The following PHACTR1 variants were observed in gnomAD, a reference collection of about 807,000 sequenced individuals.
PHACTR1 encodes RPEL repeat containing 1.
A neutral mutation model predicts 69.2 loss-of-function variants in PHACTR1; 16 were observed. The ratio of observed to expected loss-of-function variants is 0.23; its 90% CI spans 0.16 to 0.35. The LOEUF (loss-of-function observed/expected upper bound fraction) is 0.35. Among genes scored for constraint, PHACTR1 ranks in the 10% least tolerant of loss-of-function variants. The probability of loss-of-function intolerance (pLI) is 1.00; values close to 1 mark genes in which losing one functional copy is unlikely to be tolerated. For missense variants in PHACTR1, 510 were observed against 734.7 expected (o/e 0.69, Z 3.54); for synonymous variants, 312 against 284.5 (o/e 1.10, Z -0.97).
rs1765872232 is a variant in PHACTR1, at chr6:13,206,079, G to T, written c.929G>T (p.Cys310Phe). ...TCCCTCCCCATGCACCCCTCGGGCT[G>T]CAGAATGATAGACGAGCTCAACAAA... is the stretch of plus-strand genomic sequence containing the variant. The part of the protein sequence containing the change: ...TGSLPMHPSG[C>F]RMIDELNKTL... The change falls in exon 8 of 15, where the codon TGC (cysteine) becomes TTC (phenylalanine). Residue 310 changes from cysteine to phenylalanine, a missense_variant. Around this residue, in one of 2 missense-constraint regions of PHACTR1, gnomAD observed 419 missense variants for 530.9 expected, o/e 0.79. Coordinates refer to ENST00000332995, the MANE Select transcript of PHACTR1 (RefSeq NM_030948.6). 3.7e-6 allele frequency: 6 copies of T among 1,613,260 alleles called. No homozygotes were observed. Among genetic ancestry groups the T allele is most frequent in the Non-Finnish European group, 4.2e-6 (5 of 1,179,570 alleles).
At chr6:13,099,132 A>T (rs1359921468) in intron 5 of PHACTR1, among the ~76,000 whole-genome samples, 1 of 152,196 alleles carries the variant, frequency 6.6e-6, no homozygotes, top group Non-Finnish European at 1.5e-5. Flanking sequence ...CGCAGTCTTC[A>T]CCTGGGTAAA....
intron 7 of PHACTR1, among the ~76,000 whole-genome samples, chr6:13,192,255 G>A (rs563234656): frequency 6.6e-6 from 1 of 152,276 alleles, no homozygotes; most frequent in South Asian, 2.1e-4. Flanking sequence ...GAGGAATCAA[G>A]AAAAAGCATC....
At chr6:12,820,343 A>G (rs12527517) in intron 4 of PHACTR1, among the ~76,000 whole-genome samples, 149,655 of 152,200 alleles carry the variant, frequency 0.98, 73,634 homozygotes, top group Middle Eastern at 1. Flanking sequence ...ACCACGTCTG[A>G]CTAATTTTTT....
At chr6:12,781,853 C>A (rs746279539) in intron 4 of PHACTR1, among the ~76,000 whole-genome samples, 2 of 152,158 alleles carry the variant, frequency 1.3e-5, no homozygotes, top group African/African-American at 2.4e-5. Context: ...CTTTCAAAAT[C>A]CCAAGTGAAA....
At chr6:12,830,459 A>G (rs1327558346) in intron 4 of PHACTR1, among the ~76,000 whole-genome samples, 1 of 152,156 alleles carries the variant, frequency 6.6e-6, no homozygotes, top group East Asian at 1.9e-4. Context: ...GTTAATAGAA[A>G]TGATGACTAG....
chr6:13,105,610 G>T (rs1271628687), intron 5 of PHACTR1, among the ~76,000 whole-genome samples: 1 of 152,106 alleles, frequency 6.6e-6, no homozygotes, highest in Non-Finnish European at 1.5e-5. Context: ...TACTGAACAT[G>T]CCGGCCACAA....
At chr6:13,231,234 GAGAA>G (rs201199745) in intron 10 of PHACTR1, among the ~76,000 whole-genome samples, 66 of 139,504 alleles carry the variant, frequency 4.7e-4, no homozygotes, top group East Asian at 1.7e-3. Flanking sequence ...GAAGGAAAGA[GAGAA>G]AGAAAGAAGG....
intron 4 of PHACTR1, among the ~76,000 whole-genome samples, chr6:13,018,046 G>T (rs1462503176): frequency 6.6e-6 from 1 of 152,104 alleles, no homozygotes; most frequent in Non-Finnish European, 1.5e-5. Context: ...TTGTTTTAGG[G>T]ATTAGAAACA....
chr6:13,063,347 T>G (rs1395559709), intron 5 of PHACTR1, among the ~76,000 whole-genome samples: 1 of 152,140 alleles, frequency 6.6e-6, no homozygotes, highest in Non-Finnish European at 1.5e-5. Flanking sequence ...GGCAAGTTAC[T>G]GGGAAAGGTT....
intron 4 of PHACTR1, among the ~76,000 whole-genome samples, chr6:12,753,943 AATAT>A (rs775836853): frequency 1.9e-4 from 16 of 86,248 alleles, no homozygotes; most frequent in South Asian, 3.1e-4. Context: ...GCAAGTTGTA[AATAT>A]ATATATATAT....
At chr6:12,959,031 G>T (rs1792279118) in intron 4 of PHACTR1, among the ~76,000 whole-genome samples, 1 of 151,904 alleles carries the variant, frequency 6.6e-6, no homozygotes, top group Admixed American at 6.6e-5. Context: ...ACAAAAATTA[G>T]CTGGGTGTGG....
intron 4 of PHACTR1, among the ~76,000 whole-genome samples, chr6:12,838,276 A>G (rs1889063): frequency 0.011 from 1,743 of 152,308 alleles, 35 homozygotes; most frequent in African/African-American, 0.039. Flanking sequence ...GGCAGGGATC[A>G]CAGAAGCCAA....
chr6:12,967,179 A>C (rs2127576247), intron 4 of PHACTR1, among the ~76,000 whole-genome samples: 1 of 152,316 alleles, frequency 6.6e-6, no homozygotes, highest in Admixed American at 6.5e-5. Context: ...CAAATGTTTC[A>C]TCTTCATATA....
At chr6:12,784,685 C>T (rs1007466240) in intron 4 of PHACTR1, among the ~76,000 whole-genome samples, 1 of 151,254 alleles carries the variant, frequency 6.6e-6, no homozygotes. Flanking sequence ...CACATCCACA[C>T]GTGTATATAT....
At chr6:12,724,529 A>G (rs922553574) in intron 3 of PHACTR1, among the ~76,000 whole-genome samples, 1 of 152,192 alleles carries the variant, frequency 6.6e-6, no homozygotes, top group Admixed American at 6.5e-5. Flanking sequence ...GCAGAGTCAG[A>G]GTTTTCATTC....
intron 4 of PHACTR1, among the ~76,000 whole-genome samples, chr6:12,897,873 C>T (rs1198935852): frequency 6.6e-6 from 1 of 152,098 alleles, no homozygotes; most frequent in Non-Finnish European, 1.5e-5. Context: ...TATTCCCTCA[C>T]CCTCCAACAG....
intron 4 of PHACTR1, among the ~76,000 whole-genome samples, chr6:12,987,713 G>T (rs1346441523): frequency 3.9e-5 from 6 of 152,194 alleles, no homozygotes; most frequent in Non-Finnish European, 1.5e-5. Flanking sequence ...GTGGGGTGCT[G>T]ATAGTGGAAG....
chr6:12,782,647 A>T (rs1458859248), intron 4 of PHACTR1, among the ~76,000 whole-genome samples: 1 of 152,218 alleles, frequency 6.6e-6, no homozygotes, highest in Admixed American at 6.5e-5. Flanking sequence ...ACAAGAAATA[A>T]AACGAGATGT....
At chr6:12,852,051 T>G (rs1203167475) in intron 4 of PHACTR1, among the ~76,000 whole-genome samples, 1 of 152,144 alleles carries the variant, frequency 6.6e-6, no homozygotes, top group Admixed American at 6.5e-5. Context: ...GCCAGGCTGG[T>G]CTCAAACTCC....
Sources: gnomAD v4.1 joint callset for allele counts (sites outside exome capture counted in the v4.1 genomes callset) on GRCh38, gnomAD v4.1.1 for gene constraint, gnomAD v4.1.1 regional missense constraint, MANE v1.5 for transcripts, NCBI Gene and HGNC (gene_info 2026-07-23, HGNC 2026-07-21) for gene names.